GBE1: variants seen among roughly 807,000 people sequenced by gnomAD.
GBE1 encodes the protein 1,4-alpha-glucan-branching enzyme.
In GBE1, 70 loss-of-function variants were observed where a neutral mutation model predicts 88.8. That is an observed-to-expected ratio of 0.79 (90% CI 0.65 to 0.96). GBE1 has a LOEUF of 0.96. GBE1 is among the 40% of genes least tolerant of loss of function. The pLI is 0.00. For missense variants in GBE1, 872 were observed against 871.0 expected (o/e 1.00, Z -0.01); for synonymous variants, 284 against 300.1 (o/e 0.95, Z 0.56).
intron 1 of GBE1, among the ~76,000 whole-genome samples, chr3:81,718,028 G>A (rs1456411851): frequency 6.6e-6 from 1 of 151,478 alleles, no homozygotes; most frequent in African/African-American, 2.4e-5. Context: ...AACCCAGGCT[G>A]GAGTGCAGTG....
At chr3:81,537,449 T>C (rs1406894819) in intron 12 of GBE1, among the ~76,000 whole-genome samples, 1 of 152,080 alleles carries the variant, frequency 6.6e-6, no homozygotes, top group African/African-American at 2.4e-5. Flanking sequence ...TATCTATTTC[T>C]ATAATCTCTG....
At chr3:81,760,138 T>C (rs1345293780) in intron 1 of GBE1, among the ~76,000 whole-genome samples, 1 of 152,216 alleles carries the variant, frequency 6.6e-6, no homozygotes, top group Non-Finnish European at 1.5e-5. Context: ...ATATGGTTTA[T>C]ATAAGAGCAT....
chr3:81,723,308 A>C (rs1275604431), intron 1 of GBE1, among the ~76,000 whole-genome samples: 1 of 137,244 alleles, frequency 7.3e-6, no homozygotes, highest in Non-Finnish European at 1.6e-5. Context: ...TCACCATGTT[A>C]GCCAGGATGG....
At chr3:81,564,304 G>T (rs1703461548) in intron 12 of GBE1, among the ~76,000 whole-genome samples, 1 of 152,094 alleles carries the variant, frequency 6.6e-6, no homozygotes, top group African/African-American at 2.4e-5. Flanking sequence ...GGGCACCGCA[G>T]TGGGTGTATT....
At chr3:81,628,147 G>T (rs1419637669) in intron 7 of GBE1, among the ~76,000 whole-genome samples, 1 of 151,950 alleles carries the variant, frequency 6.6e-6, no homozygotes, top group Non-Finnish European at 1.5e-5. Context: ...GACTCAGGCG[G>T]CCCCCTTATA....
intron 7 of GBE1, among the ~76,000 whole-genome samples, chr3:81,597,782 C>T (rs1210911513): frequency 2.0e-5 from 3 of 151,578 alleles, no homozygotes; most frequent in South Asian, 2.1e-4. Flanking sequence ...CTGAATACAT[C>T]GATGGATAAT....
chr3:81,554,555 A>T (rs1482170146), intron 12 of GBE1, among the ~76,000 whole-genome samples: 1 of 152,226 alleles, frequency 6.6e-6, no homozygotes, highest in Non-Finnish European at 1.5e-5. Flanking sequence ...CTGTGGTCAC[A>T]GCAAACACAC....
intron 7 of GBE1, among the ~76,000 whole-genome samples, chr3:81,620,348 A>AT (rs1704309628): frequency 6.6e-6 from 1 of 151,772 alleles, no homozygotes; most frequent in Non-Finnish European, 1.5e-5. Context: ...ACGCCCGGCC[A>AT]TTTTTTTGTA....
At chr3:81,514,051 A>G (rs1046306405) in intron 14 of GBE1, among the ~76,000 whole-genome samples, 2 of 151,730 alleles carry the variant, frequency 1.3e-5, no homozygotes, top group African/African-American at 4.8e-5. Flanking sequence ...TAAAAATGTT[A>G]GAAGTAGAGA....
intron 15 of GBE1, among the ~76,000 whole-genome samples, chr3:81,492,332 G>T (rs1044629029): frequency 6.6e-6 from 1 of 152,058 alleles, no homozygotes; most frequent in Non-Finnish European, 1.5e-5. Context: ...AAGATGTTAC[G>T]AGACTGATTC....
chr3:81,507,754 A>C (rs1246013825), intron 14 of GBE1, among the ~76,000 whole-genome samples: 1 of 152,082 alleles, frequency 6.6e-6, no homozygotes, highest in Non-Finnish European at 1.5e-5. Context: ...AAAAAGCAAG[A>C]TCTTCATGCA....
intron 6 of GBE1, among the ~76,000 whole-genome samples, chr3:81,645,139 C>G (rs1394529901): frequency 6.6e-6 from 1 of 152,068 alleles, no homozygotes; most frequent in Admixed American, 6.6e-5. Flanking sequence ...TGGGAGTTAA[C>G]ATATAGCATA....
chr3:81,525,887 T>G lies in GBE1; in HGVS notation c.1934+9308A>C, dbSNP rs139135598. 2.0e-5 allele frequency among the ~76,000 whole-genome samples: 3 copies of G among 152,218 alleles called. No individual in the cohort carries two copies. The East Asian group carries it at 5.8e-4, about 30-fold the overall frequency. On this transcript the variant is annotated intron_variant, in intron 14 of 15. Transcript: ENST00000429644. ...GGGGTTGGTGGTGATATCCCCTTTA[T>G]CATTTTTTATTGCATCTACTTGATT...
intron 7 of GBE1, among the ~76,000 whole-genome samples, chr3:81,637,784 T>C (rs897121987): frequency 2.0e-5 from 3 of 152,142 alleles, no homozygotes; most frequent in Non-Finnish European, 4.4e-5. Context: ...TTAGCTAGTA[T>C]ACTGATGCAT....
chr3:81,609,748 G>A (rs928496574), intron 7 of GBE1, among the ~76,000 whole-genome samples: 2 of 152,086 alleles, frequency 1.3e-5, no homozygotes, highest in African/African-American at 4.8e-5. Flanking sequence ...TTTACAAAGT[G>A]TTTCACTGTT....
intron 2 of GBE1, among the ~76,000 whole-genome samples, chr3:81,681,237 T>G (rs140203425): frequency 1.6e-4 from 24 of 152,312 alleles, no homozygotes; most frequent in South Asian, 4.1e-4. Flanking sequence ...AGAATGGCTC[T>G]CAAGTATGTT....
At chr3:81,535,456 G>T in intron 13 of GBE1, 131 bp from the exon 14 acceptor site, 1 of 873,928 alleles carries the variant, frequency 1.1e-6, no homozygotes, top group Non-Finnish European at 1.6e-6. Context: ...ATATTTTTTT[G>T]AACATGTTAC....
At chr3:81,527,789 C>A (rs1325558686) in intron 14 of GBE1, among the ~76,000 whole-genome samples, 1 of 151,956 alleles carries the variant, frequency 6.6e-6, no homozygotes. Flanking sequence ...CTAGTTCAAC[C>A]ATTGTGGAAG....
At chr3:81,560,794 A>AT (rs1703405537) in intron 12 of GBE1, among the ~76,000 whole-genome samples, 1 of 151,994 alleles carries the variant, frequency 6.6e-6, no homozygotes. Flanking sequence ...ATGCTATAAA[A>AT]TTCCTTCGTA....
Sources: allele counts gnomAD v4.1 joint callset (sites outside exome capture counted in the v4.1 genomes callset), GRCh38; gene constraint gnomAD v4.1.1; transcripts MANE v1.5; gene names NCBI Gene and HGNC (gene_info 2026-07-23, HGNC 2026-07-21).